The following SVOPL variants were observed in gnomAD, a reference collection of about 807,000 sequenced individuals.
SVOPL encodes the protein putative transporter SVOPL.
Under a neutral mutation model 61.0 loss-of-function variants are expected in SVOPL, and 60 were observed. The ratio of observed to expected loss-of-function variants is 0.98; its 90% CI spans 0.80 to 1.22. The LOEUF is 1.22. Among genes scored for constraint, SVOPL ranks in the 50% most tolerant of loss-of-function variants. The probability of loss-of-function intolerance (pLI) is 0.00; values close to 1 mark genes in which losing one functional copy is unlikely to be tolerated. For synonymous variants in SVOPL, 279 were observed against 250.0 expected (o/e 1.12, Z -1.09); for missense variants, 662 against 643.9 (o/e 1.03, Z -0.30).
At chr7:138,696,027 C>A (rs1384001953) in intron 1 of SVOPL, among the ~76,000 whole-genome samples, 2 of 152,090 alleles carry the variant, frequency 1.3e-5, no homozygotes, top group Non-Finnish European at 2.9e-5. Flanking sequence ...GGTGATCTGC[C>A]CACCTTGGCC....
In SVOPL at chr7:138,594,568, GA is replaced by G. The variant is rs1563075113; in HGVS notation, c.*41del. 1.3e-6 allele frequency: 2 copies of G among 1,580,322 alleles called. No individual in the cohort carries two copies. Among genetic ancestry groups the G allele is most frequent in the Non-Finnish European group, 1.7e-6 (2 of 1,165,432 alleles). On this transcript the variant is annotated 3_prime_UTR_variant, in exon 16 of 16. Coordinates refer to ENST00000674285, the MANE Select transcript of SVOPL (RefSeq NM_001139456.2). ...AAAATGCACCGCAGTTCTGAAGATA[GA>G]ATTCATTTTTCTCATCTGGTAGACA...
chr7:138,634,681 A>T (rs1198564694), intron 9 of SVOPL, among the ~76,000 whole-genome samples: 2 of 150,236 alleles, frequency 1.3e-5, no homozygotes, highest in Non-Finnish European at 3.0e-5. Flanking sequence ...CAAAAAAATT[A>T]GCCAGGCATG....
intron 6 of SVOPL, among the ~76,000 whole-genome samples, chr7:138,657,065 G>A (rs1295099004): frequency 1.3e-5 from 2 of 151,574 alleles, no homozygotes; most frequent in Non-Finnish European, 2.9e-5. Flanking sequence ...AGAAATATAA[G>A]CCTTATCTGT....
At position 138,648,912 on chromosome 7, in the gene SVOPL, ACT is replaced by A. The variant is rs1801275399; in HGVS notation, c.660+98_660+99del. 1.9e-6 allele frequency: 3 copies of A among 1,542,776 alleles called. No homozygotes were observed. In the East Asian group the frequency reaches 6.9e-5, roughly 35 times the overall value. ...ACTGCAGCCTGGACAACAAAGAGAG[ACT>A]CTGTCTCGAGGGGGAAAATAAAAGA... On this transcript the variant is annotated intron_variant, in intron 8 of 15. Transcript: ENST00000674285.
rs79548760 is a variant in SVOPL, at chr7:138,609,281, G to C, written c.1353+11765C>G. Reference sequence around the variant, plus strand: ...GAGCACAATGTACCAAAATGAAAGCGAGCAGACCCCTTCACCTACCAATCC... The same window carrying C: ...GAGCACAATGTACCAAAATGAAAGCCAGCAGACCCCTTCACCTACCAATCC... On this transcript the variant is annotated intron_variant, in intron 14 of 15. Coordinates refer to ENST00000674285, the MANE Select transcript of SVOPL (RefSeq NM_001139456.2). Among the ~76,000 whole-genome samples the C allele has an allele frequency of 2.6e-5, 4 of 152,150 alleles. No individual in the cohort carries two copies. The East Asian group carries it at 7.7e-4, about 29-fold the overall frequency.
chr7:138,637,427 C>CATATATATAT (rs377328822), intron 9 of SVOPL, among the ~76,000 whole-genome samples: 16 of 71,440 alleles, frequency 2.2e-4, no homozygotes, highest in Non-Finnish European at 3.1e-4. Context: ...GACTCCATCT[C>CATATATATAT]ATATATATAT....
At chr7:138,678,216 C>G (rs1454482756) in intron 3 of SVOPL, among the ~76,000 whole-genome samples, 1 of 150,362 alleles carries the variant, frequency 6.7e-6, no homozygotes, top group Non-Finnish European at 1.5e-5. Flanking sequence ...TTTGAATTGT[C>G]CCGCCTTTCT....
At chr7:138,629,299 C>T (rs776898398) in intron 10 of SVOPL, among the ~76,000 whole-genome samples, 3 of 150,216 alleles carry the variant, frequency 2.0e-5, no homozygotes, top group East Asian at 1.9e-4. Context: ...GGTGCAATCT[C>T]GGCTCACTGC....
At position 138,620,940 on chromosome 7, in the gene SVOPL, T is replaced by C. The variant is rs180920556; in HGVS notation, c.1353+106A>G. 1.0e-4 allele frequency: 110 copies of C among 1,048,888 alleles called. No individual in the cohort carries two copies. In the African/African-American group the frequency reaches 1.5e-3, roughly 14 times the overall value. 65.0% of individuals were successfully genotyped at this position (1,048,888 alleles called of 1,614,324 possible). On this transcript the variant is annotated intron_variant, in intron 14 of 15. Transcript: ENST00000674285. ...GGAAACGGCACCTCCAGAAAACTCA[T>C]GAAGTCAACAGAAATCCTCCGTTCT...
Position 138,672,130 on chromosome 7 carries a change from G to A in SVOPL, c.175-13C>T, listed in dbSNP as rs1486010970. 1 of 1,550,478 alleles carries A rather than the reference G, an allele frequency of 6.4e-7. No homozygotes were observed. The highest frequency in any genetic ancestry group is 8.7e-7 in the Non-Finnish European group (1 of 1,146,144). On this transcript the variant is annotated splice_polypyrimidine_tract_variant and intron_variant, in intron 3 of 15. Transcript: ENST00000674285. ...TGGCCTCAACCACCTTAAAGAAGAGGGACACCATGCCATGTCTAAGTGCCA... is the reference window on the plus strand; with the variant it reads ...TGGCCTCAACCACCTTAAAGAAGAGAGACACCATGCCATGTCTAAGTGCCA...
At chr7:138,676,965 A>G (rs1419691097) in intron 3 of SVOPL, among the ~76,000 whole-genome samples, 5 of 132,112 alleles carry the variant, frequency 3.8e-5, no homozygotes, top group Non-Finnish European at 7.6e-5. Flanking sequence ...GTGCAGTGGC[A>G]CTATCGCAGC....
chr7:138,644,277 A>C (rs1473246740), intron 9 of SVOPL, among the ~76,000 whole-genome samples: 1 of 151,614 alleles, frequency 6.6e-6, no homozygotes, highest in African/African-American at 2.4e-5. Context: ...CTCAAAATAG[A>C]TATCAGGTCA....
chr7:138,613,555 C>T (rs1226109842), intron 14 of SVOPL, among the ~76,000 whole-genome samples: 1 of 152,024 alleles, frequency 6.6e-6, no homozygotes, highest in Non-Finnish European at 1.5e-5. Flanking sequence ...ACTTGAAATG[C>T]TGTTTCCCTT....
At chr7:138,700,335 CT>C (rs776461183) in intron 1 of SVOPL, among the ~76,000 whole-genome samples, 24,472 of 99,162 alleles carry the variant, frequency 0.25, 1,979 homozygotes, top group Middle Eastern at 0.29. Flanking sequence ...TTCCGTATGT[CT>C]TTTTTTTTTT....
chr7:138,684,443 G>C (rs962512640), intron 1 of SVOPL, among the ~76,000 whole-genome samples: 3 of 151,618 alleles, frequency 2.0e-5, no homozygotes, highest in African/African-American at 7.3e-5. Context: ...CAAAGGACCT[G>C]AGCAGACAGT....
intron 9 of SVOPL, 53 bp downstream of exon 9, chr7:138,644,664 G>A: frequency 2.5e-6 from 4 of 1,598,030 alleles, no homozygotes; most frequent in South Asian, 2.2e-5. Context: ...CAACTGAGGG[G>A]ATTTCCCAGT....
chr7:138,678,905 A>G (rs769074176), intron 2 of SVOPL, 59 bp downstream of exon 2: 11 of 1,505,834 alleles, frequency 7.3e-6, no homozygotes, highest in Non-Finnish European at 9.9e-6. Context: ...ATTTAACCTT[A>G]AAAAGGATTC....
intron 3 of SVOPL, among the ~76,000 whole-genome samples, chr7:138,674,772 C>T (rs1030717817): frequency 2.6e-4 from 40 of 151,554 alleles, no homozygotes; most frequent in African/African-American, 9.2e-4. Context: ...AGGAGAATGG[C>T]GTGAACCCAG....
chr7:138,613,797 A>T (rs113028493), intron 14 of SVOPL, among the ~76,000 whole-genome samples: 146 of 152,292 alleles, frequency 9.6e-4, no homozygotes, highest in Middle Eastern at 3.4e-3. Flanking sequence ...AATGTTCAAC[A>T]ACAGGTTCTC....
Sources: gnomAD v4.1 joint callset for allele counts (sites outside exome capture counted in the v4.1 genomes callset) on GRCh38, gnomAD v4.1.1 for gene constraint, MANE v1.5 for transcripts, NCBI Gene and HGNC (gene_info 2026-07-23, HGNC 2026-07-21) for gene names.